PIP: variants seen among roughly 807,000 people sequenced by gnomAD.
PIP encodes the protein prolactin induced protein.
PIP carries 9 observed loss-of-function variants against 12.8 expected under a neutral mutation model. The observed-to-expected ratio is 0.70, with a 90% CI of 0.42 to 1.23. PIP has a LOEUF of 1.23. Ranked by LOEUF, PIP falls within the 50% of genes most tolerant of loss-of-function variation. The pLI is 0.00. For missense variants in PIP, 172 were observed against 179.5 expected, an observed-to-expected ratio of 0.96 and a Z score of 0.24; for synonymous variants, 60 against 66.1, an observed-to-expected ratio of 0.91 and a Z score of 0.45.
In PIP at chr7:143,132,143, G is replaced by A; in HGVS notation, c.27G>A (p.Arg9=). The A allele has an allele frequency of 6.2e-7, 1 of 1,612,376 alleles. No homozygotes were observed. The highest frequency in any genetic ancestry group is 8.5e-7 in the Non-Finnish European group (1 of 1,178,514). ...TGCGCTTGCTCCAGCTCCTGTTCAG[G>A]GCCAGCCCTGCCACCCTGCTCCTGG... is the stretch of plus-strand genomic sequence containing the variant. MRLLQLLF[R]ASPATLLLVL... Residue 9 remains arginine, a synonymous_variant, in exon 1 of 4, where the codon AGG becomes AGA. Coordinates refer to ENST00000291009, the MANE Select transcript of PIP (RefSeq NM_002652.3).
In PIP at chr7:143,139,156, C is replaced by A; in HGVS notation, c.283C>A (p.Pro95Thr). 1.9e-6 allele frequency: 3 copies of A among 1,599,464 alleles called. No individual in the cohort carries two copies. The highest frequency in any genetic ancestry group is 2.6e-6 in the Non-Finnish European group (3 of 1,166,434). The change falls in exon 3 of 4, where the codon CCA (proline) becomes ACA (threonine). Residue 95 changes from proline (P) to threonine (T), a missense_variant. Physicochemically the swap from Pro to Thr is conservative, Grantham distance 38 (BLOSUM62 -1). Transcript: ENST00000291009. The stretch of plus-strand genomic sequence containing the variant: ...TACTGCCTGCCTATGTGACGACAAT[C>A]CAAAAACCTTCTACTGGGACTTTTA... The part of the protein sequence containing the change: ...KYTACLCDDN[P>T]KTFYWDFYTN...
chr7:143,135,993 G>A (rs1216215420), intron 2 of PIP, among the ~76,000 whole-genome samples: 9 of 152,028 alleles, frequency 5.9e-5, no homozygotes, highest in Admixed American at 5.9e-4. Context: ...AGAACTTCTG[G>A]ATTTTAACAG....
rs760296419 is a variant in PIP at position 143,139,607 on chromosome 7, CGG to C, written c.407_408del (p.Arg136LeufsTer5). 1 of 1,612,408 alleles carries C rather than the reference CGG, an allele frequency of 6.2e-7. No homozygotes were observed. The highest frequency in any genetic ancestry group is 1.7e-5 in the Admixed American group (1 of 59,988). ...DAAVIPIKNNRFYTIEILKVE is the reference protein window; with the variant it reads ...DAAVIPIKNNXFYTIEILKVE ...TGCTGTAATCCCCATCAAAAACAAC[CGG>C]TTTTATACTATTGAAATCCTAAAGG... On this transcript the variant is annotated frameshift_variant, in exon 4 of 4. Coordinates refer to ENST00000291009, the MANE Select transcript of PIP (RefSeq NM_002652.3). LOFTEE classifies it low-confidence loss of function (END_TRUNC).
In PIP at chr7:143,139,630, A is replaced by C; in HGVS notation, c.429A>C (p.Leu143=). Residue 143 remains leucine (L), a synonymous_variant, in exon 4 of 4, where the codon CTA becomes CTC. Transcript: ENST00000291009. Reference sequence around the variant, plus strand: ...ACCGGTTTTATACTATTGAAATCCTAAAGGTAGAATAATGGAAGCCCTGTC... The same window carrying C: ...ACCGGTTTTATACTATTGAAATCCTCAAGGTAGAATAATGGAAGCCCTGTC... ...KNNRFYTIEI[L]KVE 1.2e-6 allele frequency: 2 copies of C among 1,610,938 alleles called. No individual in the cohort carries two copies. Among genetic ancestry groups the C allele is most frequent in the Non-Finnish European group, 1.7e-6 (2 of 1,177,342 alleles).
At chr7:143,139,240 G>A in intron 3 of PIP, 51 bp downstream of exon 3, 1 of 1,046,532 alleles carries the variant, frequency 9.6e-7, no homozygotes, top group Non-Finnish European at 1.5e-6. Context: ...CCACCAGGGA[G>A]GAGAAACTAT....
At position 143,135,307 on chromosome 7, in the gene PIP, G is replaced by C. The variant is rs781160658; in HGVS notation, c.201+8G>C. ...TTGAAAGAATGCATGGTGGTAAGTA[G>C]AGGACTGGGGGCGTGACTTCAAAAG... On this transcript the variant is annotated splice_region_variant and intron_variant, in intron 2 of 3. Coordinates refer to ENST00000291009, the MANE Select transcript of PIP (RefSeq NM_002652.3). 5 of 1,349,532 alleles carry C rather than the reference G, an allele frequency of 3.7e-6. No homozygotes were observed. The South Asian group carries it at 5.9e-5, about 16-fold the overall frequency. 83.6% of individuals were successfully genotyped at this position (1,349,532 alleles called of 1,614,324 possible). A position where few individuals can be genotyped will look rare whatever the true frequency, so the allele number is the denominator to read the frequency against.
chr7:143,135,961 T>A (rs1799305336), intron 2 of PIP, among the ~76,000 whole-genome samples: 1 of 152,038 alleles, frequency 6.6e-6, no homozygotes, highest in Non-Finnish European at 1.5e-5. Context: ...AGAGTTTCAT[T>A]CAGCAGGTCT....
rs1277832613 is a variant in PIP, at chr7:143,134,233, T to TATATAA, written c.96-960_96-959insTATAAA. 8.5e-4 allele frequency among the ~76,000 whole-genome samples: 73 copies of TATATAA among 86,376 alleles called. 5 individuals are homozygous for TATATAA. The highest frequency in any genetic ancestry group is 2.9e-3 in the African/African-American group (62 of 21,538). The allele number at this position is 86,376 out of a possible 152,430, so 56.7% of individuals were successfully genotyped here. On this transcript the variant is annotated intron_variant, in intron 1 of 3. Transcript: ENST00000291009. The stretch of plus-strand genomic sequence containing the variant: ...ATATATATATATATATATATATATA[T>TATATAA]ACCACAGTTTCTTTATCCACTCGTT...
At chr7:143,134,167 A>C (rs1447202923) in intron 1 of PIP, among the ~76,000 whole-genome samples, 1 of 117,290 alleles carries the variant, frequency 8.5e-6, no homozygotes, top group African/African-American at 3.2e-5. Flanking sequence ...ATTATGGCTG[A>C]GTAGTAGTAT....
chr7:143,133,297 T>C (rs1035178242), intron 1 of PIP, among the ~76,000 whole-genome samples: 2 of 152,010 alleles, frequency 1.3e-5, no homozygotes, highest in African/African-American at 4.8e-5. Flanking sequence ...ACTAAGCTGG[T>C]CATCCTATCA....
rs776666213 is a variant in PIP at position 143,139,554 on chromosome 7, G to A, written c.353G>A (p.Arg118Gln). The change falls in exon 4 of 4, where the codon CGG becomes CAG. Residue 118 changes from arginine (R) to glutamine (Q), a missense_variant. Coordinates refer to ENST00000291009, the MANE Select transcript of PIP (RefSeq NM_002652.3). ...ATTGCAGCCGTCGTTGATGTTATTC[G>A]GGAATTAGGCATCTGCCCTGATGAT... ...VQIAAVVDVIRELGICPDDAA... is the reference protein window; with the variant it reads ...VQIAAVVDVIQELGICPDDAA... The A allele has an allele frequency of 6.8e-6, 11 of 1,612,650 alleles. No homozygotes were observed. Among genetic ancestry groups the A allele is most frequent in the African/African-American group, 5.3e-5 (4 of 74,858 alleles).
At chr7:143,133,430 C>A (rs1254848752) in intron 1 of PIP, among the ~76,000 whole-genome samples, 1 of 152,036 alleles carries the variant, frequency 6.6e-6, no homozygotes. Flanking sequence ...AGATGCTTTG[C>A]CCCAAGAAAA....
chr7:143,132,132 C>T lies in PIP; in HGVS notation c.16C>T (p.Leu6Phe). The T allele has an allele frequency of 6.2e-7, 1 of 1,612,622 alleles. No individual in the cohort carries two copies. Among genetic ancestry groups the T allele is most frequent in the South Asian group, 1.1e-5 (1 of 91,080 alleles). The change falls in exon 1 of 4, where the codon CTC becomes TTC. Residue 6 changes from leucine (L) to phenylalanine (F), a missense_variant. Physicochemically the swap from Leu to Phe is conservative, Grantham distance 22. Transcript: ENST00000291009. MRLLQ[L>F]LFRASPATLL... is the part of the protein sequence containing the mutation. Reference sequence around the variant, plus strand: ...TTTCTCCAGCATGCGCTTGCTCCAGCTCCTGTTCAGGGCCAGCCCTGCCAC... The same window carrying T: ...TTTCTCCAGCATGCGCTTGCTCCAGTTCCTGTTCAGGGCCAGCCCTGCCAC...
intron 2 of PIP, among the ~76,000 whole-genome samples, chr7:143,137,607 A>G (rs1227574790): frequency 6.6e-6 from 1 of 152,118 alleles, no homozygotes; most frequent in Non-Finnish European, 1.5e-5. Context: ...ATGTAACAGA[A>G]AGGTAAACAA....
At chr7:143,133,763 C>T (rs1472919045) in intron 1 of PIP, among the ~76,000 whole-genome samples, 2 of 151,920 alleles carry the variant, frequency 1.3e-5, no homozygotes, top group Admixed American at 1.3e-4. Flanking sequence ...TTCAAAGATG[C>T]TCCTACAAAT....
rs202045665 is a variant in PIP at position 143,135,202 on chromosome 7, T to C, written c.104T>C (p.Ile35Thr). 8.0e-5 allele frequency: 124 copies of C among 1,556,990 alleles called. 1 individual carries two copies. The highest frequency in any genetic ancestry group is 7.6e-5 in the Non-Finnish European group (86 of 1,128,454). Reference sequence around the variant, plus strand: ...TCTCTTCCCACAATCAGTCGGAAGATCATAATAAAGAATTTTGACATTCCC... The same window carrying C: ...TCTCTTCCCACAATCAGTCGGAAGACCATAATAAAGAATTTTGACATTCCC... ...ANKAQDNTRK[I>T]IIKNFDIPKS... Residue 35 changes from isoleucine to threonine, a missense_variant, in exon 2 of 4, where the codon ATC (isoleucine) becomes ACC (threonine). Transcript: ENST00000291009.
At chr7:143,134,308 G>T (rs1299747639) in intron 1 of PIP, among the ~76,000 whole-genome samples, 1 of 146,862 alleles carries the variant, frequency 6.8e-6, no homozygotes, top group Non-Finnish European at 1.5e-5. Context: ...TGTGAATTGT[G>T]CTGCTATAAA....
chr7:143,139,639 A>G lies in PIP; in HGVS notation c.438A>G (p.Glu146=). The change falls in exon 4 of 4, where the codon GAA becomes GAG. Residue 146 remains glutamate, a synonymous_variant. Coordinates refer to ENST00000291009, the MANE Select transcript of PIP (RefSeq NM_002652.3). Reference sequence around the variant, plus strand: ...ATACTATTGAAATCCTAAAGGTAGAATAATGGAAGCCCTGTCTGTTTGCCA... The same window carrying G: ...ATACTATTGAAATCCTAAAGGTAGAGTAATGGAAGCCCTGTCTGTTTGCCA... ...RFYTIEILKV[E] 1 of 1,608,662 alleles carries G rather than the reference A, an allele frequency of 6.2e-7. No homozygotes were observed. The highest frequency in any genetic ancestry group is 8.5e-7 in the Non-Finnish European group (1 of 1,175,460).
intron 1 of PIP, among the ~76,000 whole-genome samples, chr7:143,133,811 A>T (rs529080447): frequency 9.2e-5 from 14 of 151,712 alleles, no homozygotes; most frequent in South Asian, 6.3e-4. Context: ...GGTTTTTAAA[A>T]TTTTTTATTA....
Sources: allele counts gnomAD v4.1 joint callset (sites outside exome capture counted in the v4.1 genomes callset), GRCh38; gene constraint gnomAD v4.1.1; transcripts MANE v1.5; gene names NCBI Gene and HGNC (gene_info 2026-07-23, HGNC 2026-07-21).